GRIK4: variants seen among roughly 807,000 people sequenced by gnomAD.
GRIK4 encodes the protein glutamate receptor ionotropic, kainate 4.
In GRIK4, 40 loss-of-function variants were observed where a neutral mutation model predicts 104.9. The observed-to-expected ratio is 0.38, with a 90% CI of 0.30 to 0.50. The LOEUF is 0.50. Ranked by LOEUF, GRIK4 falls within the 20% of genes least tolerant of loss-of-function variation. GRIK4 has a pLI of 0.93. For synonymous variants in GRIK4, 485 were observed against 524.9 expected, an observed-to-expected ratio of 0.92 and a Z score of 1.04; for missense variants, 1,047 against 1,308.1, an observed-to-expected ratio of 0.80 and a Z score of 3.08.
chr11:120,943,142 ACACACACACC>A (rs1943766650), intron 14 of GRIK4, among the ~76,000 whole-genome samples: 2 of 122,180 alleles, frequency 1.6e-5, no homozygotes, highest in African/African-American at 8.8e-5. Context: ...ACACACACAC[ACACACACACC>A]CCCCTGACTG....
chr11:120,952,960 G>T lies in GRIK4; in HGVS notation c.1696G>T (p.Ala566Ser), dbSNP rs1413195292. The change falls in exon 15 of 21, where the codon GCT becomes TCT. Residue 566 changes from alanine (A) to serine (S), a missense_variant. Coordinates refer to ENST00000527524, the MANE Select transcript of GRIK4 (RefSeq NM_014619.5). The surrounding 1 kb of genome is among the most constrained non-coding windows in gnomAD (Gnocchi z 5.2). ...CGTCAGCTGTGTCCTCTTCCTGGTG[G>T]CTCGGTACTCTCCTCTTCCCTTCCC... ...LAVSCVLFLV[A>S]RLTPYEWYSP... 1.9e-6 allele frequency: 3 copies of T among 1,602,518 alleles called. No homozygotes were observed. The highest frequency in any genetic ancestry group is 2.6e-6 in the Non-Finnish European group (3 of 1,169,850).
At chr11:120,543,622 C>T (rs1948058537) in intron 1 of GRIK4, among the ~76,000 whole-genome samples, 1 of 152,022 alleles carries the variant, frequency 6.6e-6, no homozygotes, top group Admixed American at 6.6e-5. Flanking sequence ...AATAGAACTA[C>T]CATACAAGCC....
At chr11:120,658,727 CTTTTTTTT>C (rs71050753) in intron 2 of GRIK4, among the ~76,000 whole-genome samples, 30 of 56,708 alleles carry the variant, frequency 5.3e-4, no homozygotes, top group African/African-American at 1.4e-3. Context: ...GAGGACGAAA[CTTTTTTTT>C]TTTTTTTTTT....
intron 11 of GRIK4, 59 bp from the exon 12 acceptor site, chr11:120,898,473 G>T (rs1942644001): frequency 1.0e-6 from 1 of 960,582 alleles, no homozygotes; most frequent in African/African-American, 1.6e-5. Flanking sequence ...CAGCCTCTTG[G>T]CTCCTTCCAG....
chr11:120,638,428 T>G (rs1437341109), intron 1 of GRIK4, among the ~76,000 whole-genome samples: 1 of 151,836 alleles, frequency 6.6e-6, no homozygotes, highest in Non-Finnish European at 1.5e-5. Context: ...GTCTTCAGAG[T>G]CCATGATGTT....
chr11:120,599,896 A>G (rs954091144), intron 1 of GRIK4, among the ~76,000 whole-genome samples: 1 of 152,242 alleles, frequency 6.6e-6, no homozygotes, highest in Admixed American at 6.5e-5. Context: ...AGCCCGTGAC[A>G]TAAAGGTGAA....
intron 6 of GRIK4, among the ~76,000 whole-genome samples, chr11:120,831,574 C>T (rs764947439): frequency 3.9e-5 from 6 of 152,110 alleles, no homozygotes; most frequent in Non-Finnish European, 7.4e-5. Flanking sequence ...CTTATTCCAC[C>T]CAAGGGAGCT....
chr11:120,985,212 C>T (rs1338241095), intron 20 of GRIK4, among the ~76,000 whole-genome samples: 2 of 152,152 alleles, frequency 1.3e-5, no homozygotes, highest in Non-Finnish European at 2.9e-5. Flanking sequence ...TGCAAATGCA[C>T]TCAGCGGCGG....
chr11:120,931,932 C>T (rs1318113836), intron 13 of GRIK4, among the ~76,000 whole-genome samples: 1 of 152,144 alleles, frequency 6.6e-6, no homozygotes, highest in African/African-American at 2.4e-5. Context: ...TCCCACAGCC[C>T]CTGAAAAGCA....
intron 18 of GRIK4, 142 bp downstream of exon 18, chr11:120,962,823 G>GTTT: frequency 1.8e-4 from 81 of 450,906 alleles, no homozygotes; most frequent in African/African-American, 2.9e-4. Flanking sequence ...GCATTCTAAA[G>GTTT]TTTTTTTTTT....
intron 3 of GRIK4, among the ~76,000 whole-genome samples, chr11:120,695,238 A>G (rs1950424493): frequency 6.6e-6 from 1 of 152,228 alleles, no homozygotes; most frequent in African/African-American, 2.4e-5. Context: ...GGCCACCCCA[A>G]CATGGCTGTG....
intron 8 of GRIK4, among the ~76,000 whole-genome samples, chr11:120,853,213 GAC>G (rs1954016132): frequency 6.6e-6 from 1 of 152,176 alleles, no homozygotes; most frequent in Non-Finnish European, 1.5e-5. Flanking sequence ...GGTCAAGGTG[GAC>G]ACTGAGGAAA....
chr11:120,986,408 G>A lies in GRIK4; in HGVS notation c.*148G>A. Reference sequence around the variant, plus strand: ...AGTCACTTTTCAAAAAGATCAAGGAGCCTGACGCCCCAGCCAGAGACCGCG... The same window carrying A: ...AGTCACTTTTCAAAAAGATCAAGGAACCTGACGCCCCAGCCAGAGACCGCG... On this transcript the variant is annotated 3_prime_UTR_variant, in exon 21 of 21. Coordinates refer to ENST00000527524, the MANE Select transcript of GRIK4 (RefSeq NM_014619.5). 2 of 1,108,712 alleles carry A rather than the reference G, an allele frequency of 1.8e-6. No homozygotes were observed. Among genetic ancestry groups the A allele is most frequent in the Non-Finnish European group, 2.4e-6 (2 of 830,352 alleles). The allele number at this position is 1,108,712 out of a possible 1,614,324, so 68.7% of individuals were successfully genotyped here. A position where few individuals can be genotyped will look rare whatever the true frequency, so the allele number is the denominator to read the frequency against.
At chr11:120,846,504 G>A (rs185533873) in intron 8 of GRIK4, among the ~76,000 whole-genome samples, 24 of 152,342 alleles carry the variant, frequency 1.6e-4, no homozygotes, top group African/African-American at 4.3e-4. Flanking sequence ...GATGGCAATT[G>A]GAGAGTGACA....
intron 8 of GRIK4, among the ~76,000 whole-genome samples, chr11:120,842,532 C>T (rs908781568): frequency 1.3e-5 from 2 of 152,236 alleles, no homozygotes; most frequent in Non-Finnish European, 2.9e-5. Context: ...ATCATCATCA[C>T]ACATCTATTT....
In GRIK4 at chr11:120,952,957, G is replaced by T; in HGVS notation, c.1693G>T (p.Val565Leu). The change falls in exon 15 of 21, where the codon GTG becomes TTG. Residue 565 changes from valine (V) to leucine (L), a missense_variant. By Grantham distance (32) the Val-to-Leu change is conservative. Transcript: ENST00000527524. The surrounding 1 kb of genome is among the most constrained non-coding windows in gnomAD (Gnocchi z 5.2). Reference sequence around the variant, plus strand: ...GGCCGTCAGCTGTGTCCTCTTCCTGGTGGCTCGGTACTCTCCTCTTCCCTT... The same window carrying T: ...GGCCGTCAGCTGTGTCCTCTTCCTGTTGGCTCGGTACTCTCCTCTTCCCTT... ...YLAVSCVLFL[V>L]ARLTPYEWYS... 1 of 1,606,832 alleles carries T rather than the reference G, an allele frequency of 6.2e-7. No homozygotes were observed. Among genetic ancestry groups the T allele is most frequent in the Non-Finnish European group, 8.5e-7 (1 of 1,173,634 alleles).
At chr11:120,662,812 A>T (rs1252784711) in intron 3 of GRIK4, among the ~76,000 whole-genome samples, 1 of 152,088 alleles carries the variant, frequency 6.6e-6, no homozygotes, top group African/African-American at 2.4e-5. Flanking sequence ...CAGGGATCTG[A>T]GAGATAAATC....
At chr11:120,930,052 A>C (rs929797723) in intron 13 of GRIK4, among the ~76,000 whole-genome samples, 2 of 150,906 alleles carry the variant, frequency 1.3e-5, no homozygotes, top group Non-Finnish European at 2.9e-5. Flanking sequence ...CTGGCTCTTC[A>C]CTAGGGACTG....
At chr11:120,914,042 C>G (rs913194007) in intron 13 of GRIK4, among the ~76,000 whole-genome samples, 1 of 152,190 alleles carries the variant, frequency 6.6e-6, no homozygotes, top group Non-Finnish European at 1.5e-5. Context: ...TCAGCGAGGG[C>G]TTTGCTTTAC....
Sources: gnomAD v4.1 joint callset for allele counts (sites outside exome capture counted in the v4.1 genomes callset) on GRCh38, gnomAD v4.1.1 for gene constraint, Gnocchi (gnomAD v3.1) non-coding constraint, MANE v1.5 for transcripts, NCBI Gene and HGNC (gene_info 2026-07-23, HGNC 2026-07-21) for gene names.